The following XKR4 variants were observed in gnomAD, a reference collection of about 807,000 sequenced individuals.
The protein encoded by XKR4 is XK-related protein 4.
XKR4 carries 12 observed loss-of-function variants against 53.9 expected under a neutral mutation model. That is an observed-to-expected ratio of 0.22 (90% CI 0.14 to 0.36). The LOEUF (loss-of-function observed/expected upper bound fraction) is 0.36. XKR4 is among the 10% of genes least tolerant of loss of function. The pLI, the probability that XKR4 is intolerant of heterozygous loss-of-function variation, is 1.00. For missense variants in XKR4, 799 were observed against 859.5 expected (o/e 0.93, Z 0.88); for synonymous variants, 354 against 362.4 (o/e 0.98, Z 0.26).
At chr8:55,508,718 CAA>C (rs769140928) in intron 2 of XKR4, among the ~76,000 whole-genome samples, 20 of 152,186 alleles carry the variant, frequency 1.3e-4, no homozygotes, top group Non-Finnish European at 7.4e-5. Context: ...TAGTCTGGGG[CAA>C]CCCAAGGTGG....
Position 55,255,890 on chromosome 8 carries a change from A to G in XKR4, c.807-101788A>G, listed in dbSNP as rs147014380. Among the ~76,000 whole-genome samples, 8 of 151,908 alleles carry G rather than the reference A, an allele frequency of 5.3e-5. No homozygotes were observed. In the East Asian group the frequency reaches 1.5e-3, roughly 29 times the overall value. On this transcript the variant is annotated intron_variant, in intron 1 of 2. Coordinates refer to ENST00000327381, the MANE Select transcript of XKR4 (RefSeq NM_052898.2). ...GTGCTGAAGATGGTAGACAAAGGGT[A>G]TGTTTCCTGCCCATAATGAGCTTAC...
intron 1 of XKR4, among the ~76,000 whole-genome samples, chr8:55,170,588 G>T (rs912354396): frequency 6.6e-6 from 1 of 152,168 alleles, no homozygotes; most frequent in African/African-American, 2.4e-5. Context: ...AAATTGTAGG[G>T]CTTTAAGTCC....
intron 2 of XKR4, among the ~76,000 whole-genome samples, chr8:55,437,964 AAAG>A (rs140525104): frequency 0.39 from 43,880 of 112,758 alleles, 5,974 homozygotes; most frequent in African/African-American, 0.49. Context: ...CAAAAAAAAA[AAAG>A]AAGAAGAAGA....
At position 55,181,899 on chromosome 8, in the gene XKR4, T is replaced by C. The variant is rs146627839; in HGVS notation, c.806+78605T>C. Among the ~76,000 whole-genome samples, 474 of 152,312 alleles carry C rather than the reference T, an allele frequency of 3.1e-3. 1 individual carries two copies. Among genetic ancestry groups the C allele is most frequent in the African/African-American group, 0.011 (442 of 41,576 alleles). On this transcript the variant is annotated intron_variant, in intron 1 of 2. Transcript: ENST00000327381. ...CCCTCAGACTGAATTAATTGCTCCC[T>C]TATCTTGATTTCCATAATGCTATAT... is the stretch of plus-strand genomic sequence containing the variant.
At chr8:55,386,653 A>C (rs1428350791) in intron 2 of XKR4, among the ~76,000 whole-genome samples, 2 of 152,206 alleles carry the variant, frequency 1.3e-5, no homozygotes, top group Non-Finnish European at 2.9e-5. Context: ...ATATCATGGA[A>C]TGTAGTAGCG....
At chr8:55,259,569 G>C (rs1818487771) in intron 1 of XKR4, among the ~76,000 whole-genome samples, 1 of 152,036 alleles carries the variant, frequency 6.6e-6, no homozygotes, top group African/African-American at 2.4e-5. Context: ...GAGTGCATGG[G>C]GACCCTCGCT....
intron 1 of XKR4, among the ~76,000 whole-genome samples, chr8:55,355,169 G>T (rs750618743): frequency 6.6e-6 from 1 of 151,910 alleles, no homozygotes; most frequent in Non-Finnish European, 1.5e-5. Flanking sequence ...CTCCCAAAGT[G>T]CTGGGATTAC....
chr8:55,459,373 A>C (rs1805615205), intron 2 of XKR4, among the ~76,000 whole-genome samples: 1 of 152,180 alleles, frequency 6.6e-6, no homozygotes, highest in South Asian at 2.1e-4. Flanking sequence ...ATTTAGGCAA[A>C]ATTTTACTTG....
At chr8:55,236,077 A>G (rs1818117590) in intron 1 of XKR4, among the ~76,000 whole-genome samples, 2 of 152,200 alleles carry the variant, frequency 1.3e-5, no homozygotes, top group South Asian at 4.2e-4. Flanking sequence ...ACTGATCCTA[A>G]AGTGTAACAT....
At chr8:55,307,589 G>A (rs182656033) in intron 1 of XKR4, among the ~76,000 whole-genome samples, 1 of 152,202 alleles carries the variant, frequency 6.6e-6, no homozygotes, top group East Asian at 1.9e-4. Flanking sequence ...GGGAGGTTGA[G>A]GCTGTAGTGA....
chr8:55,473,541 G>T (rs1369466324), intron 2 of XKR4, among the ~76,000 whole-genome samples: 3 of 152,024 alleles, frequency 2.0e-5, no homozygotes, highest in Non-Finnish European at 4.4e-5. Context: ...TTGTTCTAAG[G>T]TTTTTGGCAG....
chr8:55,159,075 G>T (rs1744066618), intron 1 of XKR4, among the ~76,000 whole-genome samples: 1 of 152,070 alleles, frequency 6.6e-6, no homozygotes, highest in Non-Finnish European at 1.5e-5. Context: ...AGGCAGTATG[G>T]CCATTTAAAC....
intron 1 of XKR4, among the ~76,000 whole-genome samples, chr8:55,348,693 C>CACACACAG (rs1803686305): frequency 8.0e-6 from 1 of 125,570 alleles, no homozygotes; most frequent in African/African-American, 4.3e-5. Context: ...GACAAACATA[C>CACACACAG]ACACACACAC....
At chr8:55,415,068 T>C (rs1273411145) in intron 2 of XKR4, among the ~76,000 whole-genome samples, 1 of 152,172 alleles carries the variant, frequency 6.6e-6, no homozygotes, top group African/African-American at 2.4e-5. Flanking sequence ...TTTAGTCCTG[T>C]CAAAACAGGC....
chr8:55,423,926 T>A (rs1281511960), intron 2 of XKR4, among the ~76,000 whole-genome samples: 1 of 152,210 alleles, frequency 6.6e-6, no homozygotes, highest in Non-Finnish European at 1.5e-5. Flanking sequence ...ATGAATCAGT[T>A]CACTTGAAAG....
Position 55,524,377 on chromosome 8 carries a change from G to T in XKR4, c.*150G>T. On this transcript the variant is annotated 3_prime_UTR_variant, in exon 3 of 3. Transcript: ENST00000327381. ...CCATTATCATTTGATCCTGTCGGCTGGGGGCGGCTGGTCTCCTTCCAAAGC... is the reference window on the plus strand; with the variant it reads ...CCATTATCATTTGATCCTGTCGGCTTGGGGCGGCTGGTCTCCTTCCAAAGC... 2 of 789,950 alleles carry T rather than the reference G, an allele frequency of 2.5e-6. No homozygotes were observed. The highest frequency in any genetic ancestry group is 5.9e-5 in the Admixed American group (2 of 33,982). 48.9% of individuals were successfully genotyped at this position (789,950 alleles called of 1,614,324 possible). A position where few individuals can be genotyped will look rare whatever the true frequency, so the allele number is the denominator to read the frequency against.
chr8:55,425,415 C>A (rs889245596), intron 2 of XKR4, among the ~76,000 whole-genome samples: 19 of 133,564 alleles, frequency 1.4e-4, no homozygotes, highest in African/African-American at 5.5e-4. Flanking sequence ...TCTCGTCTAG[C>A]CTCTCTCATC....
At chr8:55,263,682 G>A (rs1818560316) in intron 1 of XKR4, among the ~76,000 whole-genome samples, 1 of 152,140 alleles carries the variant, frequency 6.6e-6, no homozygotes, top group South Asian at 2.1e-4. Flanking sequence ...TGCTATATGT[G>A]CAATTTTGAG....
At chr8:55,115,553 G>A (rs1168030974) in intron 1 of XKR4, among the ~76,000 whole-genome samples, 2 of 152,138 alleles carry the variant, frequency 1.3e-5, no homozygotes, top group African/African-American at 2.4e-5. Context: ...GGGAGGACAC[G>A]CTGGGCGGAT....
Sources: allele counts gnomAD v4.1 joint callset (sites outside exome capture counted in the v4.1 genomes callset), GRCh38; gene constraint gnomAD v4.1.1; transcripts MANE v1.5; gene names NCBI Gene and HGNC (gene_info 2026-07-23, HGNC 2026-07-21).